The following DLG3 variants were observed in gnomAD, a reference collection of about 807,000 sequenced individuals.
DLG3 encodes the protein discs large MAGUK scaffold protein 3.
A neutral mutation model predicts 64.1 loss-of-function variants in DLG3; 1 was observed. The ratio of observed to expected loss-of-function variants is 0.02; its 90% CI spans 0.01 to 0.07. The LOEUF is 0.07. Among genes scored for constraint, DLG3 ranks in the 10% least tolerant of loss-of-function variants. The pLI, the probability that DLG3 is intolerant of heterozygous loss-of-function variation, is 1.00. For missense variants in DLG3, 429 were observed against 669.5 expected (o/e 0.64, Z 3.96); for synonymous variants, 245 against 259.8 (o/e 0.94, Z 0.55).
At chrX:70,479,396 GC>G (rs2087114774) in intron 10 of DLG3, 132 bp downstream of exon 10, 1 of 541,716 alleles carries the variant, frequency 1.8e-6, no homozygotes, top group East Asian at 3.4e-5. Context: ...CTCACTGTAT[GC>G]TTAGGTTGTG....
chrX:70,445,549 G>C lies in DLG3; in HGVS notation c.348G>C (p.Trp116Cys), dbSNP rs764913253. ...WPECTCTNRD[W>C]YEQVNGSDGM... ...AGTGCACCTGTACCAACCGGGACTG[G>C]TATGAGCAGGTATGGACCAGCGGAG... Residue 116 changes from tryptophan to cysteine, a missense_variant, in exon 1 of 19, where the codon TGG becomes TGC. Coordinates refer to ENST00000374360, the MANE Select transcript of DLG3 (RefSeq NM_021120.4). The C allele has an allele frequency of 8.5e-7, 1 of 1,179,000 alleles. No individual in the cohort carries two copies. The highest frequency in any genetic ancestry group is 1.1e-6 in the Non-Finnish European group (1 of 878,719).
rs753129828 is a variant in DLG3 at position 70,479,238 on chromosome X, A to T, written c.1494A>T (p.Thr498=). 3 of 1,210,090 alleles carry T rather than the reference A, an allele frequency of 2.5e-6. No individual in the cohort carries two copies. The highest frequency in any genetic ancestry group is 3.4e-6 in the Non-Finnish European group (3 of 893,756). ...GCTCTGGGTCTGGGTCCCTCCGAAC[A>T]AGTGAAAAGAGGTCCTTGTATGTCA... ...SMSSGSGSLR[T]SEKRSLYVRA... The change falls in exon 10 of 19, where the codon ACA becomes ACT. Residue 498 remains threonine (T), a synonymous_variant. Coordinates refer to ENST00000374360, the MANE Select transcript of DLG3 (RefSeq NM_021120.4).
chrX:70,501,493 C>G (rs1195418705), intron 18 of DLG3, among the ~76,000 whole-genome samples: 2 of 107,213 alleles, frequency 1.9e-5, no homozygotes, highest in Non-Finnish European at 3.8e-5. Context: ...ACGTTCTTCA[C>G]CTTTTGAAGT....
At chrX:70,446,480 G>C (rs1602860217) in intron 1 of DLG3, among the ~76,000 whole-genome samples, 1 of 112,461 alleles carries the variant, frequency 8.9e-6, no homozygotes, top group East Asian at 2.8e-4. Context: ...CCTCGCTCTA[G>C]AGCAGGCATG....
chrX:70,482,793 G>A (rs1265016034), intron 10 of DLG3, among the ~76,000 whole-genome samples: 3 of 102,980 alleles, frequency 2.9e-5, no homozygotes, highest in Admixed American at 1.1e-4. Context: ...TCAGCCTCCC[G>A]AGTAGCTGGG....
In DLG3 at chrX:70,449,879, T is replaced by C. The variant is rs1329526381; in HGVS notation, c.703+20T>C. 2.6e-6 allele frequency: 3 copies of C among 1,170,931 alleles called. No homozygotes were observed. Among genetic ancestry groups the C allele is most frequent in the Non-Finnish European group, 3.4e-6 (3 of 874,238 alleles). ...CCAAAGGTGCGGCCCTCCAGGTTCC[T>C]GTGCTCCAGCCAGAGCCTTAGGCCC... On this transcript the variant is annotated intron_variant, in intron 4 of 18. Transcript: ENST00000374360.
chrX:70,474,859 C>T (rs1482328406), intron 9 of DLG3, among the ~76,000 whole-genome samples: 1 of 112,279 alleles, frequency 8.9e-6, no homozygotes, highest in African/African-American at 3.2e-5. Context: ...TAAATTCTGC[C>T]TCCACTTCAG....
intron 12 of DLG3, among the ~76,000 whole-genome samples, chrX:70,493,185 C>T (rs184212281): frequency 8.9e-6 from 1 of 112,200 alleles, no homozygotes; most frequent in Non-Finnish European, 1.9e-5. Context: ...ATCCCTACAA[C>T]ATTTTCTTGT....
intron 4 of DLG3, 52 bp from the exon 5 acceptor site, chrX:70,450,117 A>G: frequency 8.3e-7 from 1 of 1,203,257 alleles, no homozygotes. Flanking sequence ...GATCGACAAC[A>G]CTTTAACCTC....
chrX:70,452,527 C>T, intron 7 of DLG3: 1 of 1,153,681 alleles, frequency 8.7e-7, no homozygotes, highest in Non-Finnish European at 1.2e-6. Flanking sequence ...GCTGGGGTTC[C>T]GGGGGACAGG....
In DLG3 at chrX:70,503,835, T is replaced by TC. The variant is rs201823389; in HGVS notation, c.*1574dup. Reference sequence around the variant, plus strand: ...GTGCAGGCAGCAGGTGTGGTTCAGGTCCCCCCCCACCCCACTGTGCTCCTT... The same window carrying TC: ...GTGCAGGCAGCAGGTGTGGTTCAGGTCCCCCCCCCACCCCACTGTGCTCCTT... On this transcript the variant is annotated 3_prime_UTR_variant, in exon 19 of 19. Coordinates refer to ENST00000374360, the MANE Select transcript of DLG3 (RefSeq NM_021120.4). 818 of 108,166 alleles carry TC rather than the reference T, an allele frequency of 7.6e-3. 10 individuals carry two copies. Among genetic ancestry groups the TC allele is most frequent in the African/African-American group, 0.025 (742 of 29,564 alleles). 8.9% of individuals were successfully genotyped at this position (108,166 alleles called of 1,213,427 possible).
chrX:70,485,731 A>G, intron 10 of DLG3, among the ~76,000 whole-genome samples: 1 of 111,523 alleles, frequency 9.0e-6, no homozygotes, highest in Middle Eastern at 4.6e-3. Context: ...ATTTCTCTGG[A>G]TCTTTCCAAC....
At chrX:70,495,370 C>T (rs376500466) in intron 12 of DLG3, 38 bp from the exon 13 acceptor site, 34 of 1,187,659 alleles carry the variant, frequency 2.9e-5, no homozygotes, top group Admixed American at 1.8e-4. Context: ...CTCTTCTCCC[C>T]GTCGTCCTCT....
chrX:70,452,612 G>GAC (rs1306770939), intron 7 of DLG3: 3 of 1,179,307 alleles, frequency 2.5e-6, no homozygotes, highest in African/African-American at 3.6e-5. Context: ...AGGGGAGAGA[G>GAC]AGAGGAGCTA....
intron 10 of DLG3, among the ~76,000 whole-genome samples, chrX:70,483,922 G>A (rs1220082339): frequency 2.0e-4 from 22 of 112,178 alleles, no homozygotes; most frequent in Non-Finnish European, 2.6e-4. Context: ...CACTGGAAGA[G>A]TCCACAGAAA....
chrX:70,487,734 C>T (rs1426317749), intron 10 of DLG3, among the ~76,000 whole-genome samples: 1 of 112,276 alleles, frequency 8.9e-6, no homozygotes, highest in Non-Finnish European at 1.9e-5. Flanking sequence ...TTACCGCAAC[C>T]TCTGCCTCCT....
chrX:70,462,243 C>CTTTT (rs141689653), intron 9 of DLG3, among the ~76,000 whole-genome samples: 694 of 46,875 alleles, frequency 0.015, no homozygotes, highest in Non-Finnish European at 0.018. Flanking sequence ...TTCTTTCTTT[C>CTTTT]TTTTTTTTTT....
chrX:70,465,155 A>G (rs1317042291), intron 9 of DLG3, among the ~76,000 whole-genome samples: 2 of 111,873 alleles, frequency 1.8e-5, no homozygotes, highest in Non-Finnish European at 3.8e-5. Context: ...GAGCACTAGG[A>G]ACTGGTATTG....
intron 10 of DLG3, among the ~76,000 whole-genome samples, chrX:70,490,494 G>A (rs1301525539): frequency 8.9e-6 from 1 of 112,113 alleles, no homozygotes; most frequent in Non-Finnish European, 1.9e-5. Context: ...TGCTTTGAGT[G>A]TGTAAATTGA....
Sources: allele counts gnomAD v4.1 joint callset (sites outside exome capture counted in the v4.1 genomes callset), GRCh38; gene constraint gnomAD v4.1.1; transcripts MANE v1.5; gene names NCBI Gene and HGNC (gene_info 2026-07-23, HGNC 2026-07-21).